BMERB1: variants seen among roughly 807,000 people sequenced by gnomAD.
BMERB1 encodes bMERB domain-containing protein 1.
In BMERB1, 12 loss-of-function variants were observed where a neutral mutation model predicts 23.6. The observed-to-expected ratio is 0.51, with a 90% confidence interval of 0.33 to 0.82. BMERB1 has a LOEUF of 0.82. BMERB1 is among the 40% of genes least tolerant of loss of function. The probability of loss-of-function intolerance (pLI) is 0.03; values close to 1 mark genes in which losing one functional copy is unlikely to be tolerated. For synonymous variants in BMERB1, 122 were observed against 96.6 expected (o/e 1.26, Z -1.54); for missense variants, 247 against 255.4 (o/e 0.97, Z 0.22).
chr16:15,505,570 A>G (rs1318408259), intron 1 of BMERB1, among the ~76,000 whole-genome samples: 2 of 152,130 alleles, frequency 1.3e-5, no homozygotes, highest in Non-Finnish European at 2.9e-5. Flanking sequence ...GTCATGGGAC[A>G]TTTCCGTTAG....
intron 2 of BMERB1, 118 bp from the exon 3 acceptor site, chr16:15,567,865 G>C: frequency 1.2e-6 from 1 of 837,960 alleles, no homozygotes; most frequent in Admixed American, 2.5e-5. Context: ...CAATGAGCAT[G>C]TATGGCCTCT....
chr16:15,572,289 A>G (rs908904619), intron 3 of BMERB1, among the ~76,000 whole-genome samples: 1 of 152,228 alleles, frequency 6.6e-6, no homozygotes, highest in Non-Finnish European at 1.5e-5. Context: ...GGCAAGGTGT[A>G]GGAGTCTTCC....
rs565531969 is a variant in BMERB1 at position 15,461,971 on chromosome 16, A to G, written c.106+27212A>G. Among the ~76,000 whole-genome samples, 373 of 152,152 alleles carry G rather than the reference A, an allele frequency of 2.5e-3. 5 individuals carry two copies. Among genetic ancestry groups the G allele is most frequent in the African/African-American group, 8.6e-3 (359 of 41,514 alleles). Reference sequence around the variant, plus strand: ...AACAACAACAACAGCAGCAGCAACAACAAACAAAAAACTCCCCCAAACAGG... The same window carrying G: ...AACAACAACAACAGCAGCAGCAACAGCAAACAAAAAACTCCCCCAAACAGG... On this transcript the variant is annotated intron_variant, in intron 1 of 5. Transcript: ENST00000300006.
intron 1 of BMERB1, among the ~76,000 whole-genome samples, chr16:15,493,893 A>G (rs941328913): frequency 1.3e-5 from 2 of 152,186 alleles, no homozygotes; most frequent in Non-Finnish European, 2.9e-5. Context: ...GACAGGCCCA[A>G]TTTATTTTCC....
rs572879919 is a variant in BMERB1, at chr16:15,495,611, C to G, written c.107-19694C>G. 9.2e-5 allele frequency among the ~76,000 whole-genome samples: 14 copies of G among 152,304 alleles called. No homozygotes were observed. The East Asian group carries it at 2.7e-3, about 29-fold the overall frequency. ...TCAATCTCCTGACCTCGTGATCTGC[C>G]CACCTCGGCCTCCCGAAGTGCTGGG... On this transcript the variant is annotated intron_variant, in intron 1 of 5. Coordinates refer to ENST00000300006, the MANE Select transcript of BMERB1 (RefSeq NM_033201.3).
At chr16:15,445,875 A>G (rs533898032) in intron 1 of BMERB1, among the ~76,000 whole-genome samples, 2 of 152,320 alleles carry the variant, frequency 1.3e-5, no homozygotes, top group East Asian at 3.9e-4. Flanking sequence ...GAAACAACCC[A>G]AATATGGTAT....
chr16:15,539,736 G>A lies in BMERB1; in HGVS notation c.230+24308G>A, dbSNP rs868206461. 6.6e-5 allele frequency among the ~76,000 whole-genome samples: 10 copies of A among 152,036 alleles called. No individual in the cohort carries two copies. In the South Asian group the frequency reaches 2.1e-3, roughly 32 times the overall value. ...TGCACACCTGTAGTCCCAGCTACTT[G>A]GAAGGCTGAGGCAGGAGAATCTCTT... On this transcript the variant is annotated intron_variant, in intron 2 of 5. Transcript: ENST00000300006.
intron 1 of BMERB1, among the ~76,000 whole-genome samples, chr16:15,501,710 G>C (rs2049115100): frequency 6.6e-6 from 1 of 152,196 alleles, no homozygotes; most frequent in Non-Finnish European, 1.5e-5. Flanking sequence ...CTGACCTCAG[G>C]TGATCCACCG....
chr16:15,526,388 G>A (rs1452392561), intron 2 of BMERB1, among the ~76,000 whole-genome samples: 7 of 152,044 alleles, frequency 4.6e-5, no homozygotes, highest in African/African-American at 7.2e-5. Context: ...AATATAGGCC[G>A]GGCGTGGTGG....
intron 1 of BMERB1, among the ~76,000 whole-genome samples, chr16:15,499,333 G>A (rs1283803968): frequency 6.6e-6 from 1 of 151,200 alleles, no homozygotes; most frequent in Non-Finnish European, 1.5e-5. Context: ...GGGAGGTGGA[G>A]GTTGCAGTGA....
intron 2 of BMERB1, among the ~76,000 whole-genome samples, chr16:15,541,378 T>C (rs2052077185): frequency 6.6e-6 from 1 of 151,286 alleles, no homozygotes; most frequent in South Asian, 2.1e-4. Context: ...CCTCCTCCTC[T>C]TCCTGGCAGG....
intron 1 of BMERB1, among the ~76,000 whole-genome samples, chr16:15,510,204 C>G (rs1352505992): frequency 6.6e-6 from 1 of 152,100 alleles, no homozygotes; most frequent in Non-Finnish European, 1.5e-5. Flanking sequence ...TTAAGCCTCC[C>G]CACTGGCCAT....
intron 2 of BMERB1, among the ~76,000 whole-genome samples, chr16:15,529,118 A>G (rs2051941664): frequency 6.6e-6 from 1 of 152,126 alleles, no homozygotes; most frequent in African/African-American, 2.4e-5. Flanking sequence ...TCTGCCTCCC[A>G]GGTTCACGCC....
chr16:15,434,717 G>A lies in BMERB1; in HGVS notation c.64G>A (p.Ala22Thr), dbSNP rs754566493. The A allele has an allele frequency of 2.4e-5, 39 of 1,611,886 alleles. No homozygotes were observed. Among genetic ancestry groups the A allele is most frequent in the Non-Finnish European group, 2.9e-5 (34 of 1,178,824 alleles). ...CGAGAAGCCTCTGAGGCGCTATGGGGCGGTGGAGGAGACGGCTTGGAAAAC... is the reference window on the plus strand; with the variant it reads ...CGAGAAGCCTCTGAGGCGCTATGGGACGGTGGAGGAGACGGCTTGGAAAAC... ...EAEKPLRRYG[A>T]VEETAWKTER... Residue 22 changes from alanine to threonine, a missense_variant, in exon 1 of 6, where the codon GCG becomes ACG. Coordinates refer to ENST00000300006, the MANE Select transcript of BMERB1 (RefSeq NM_033201.3).
intron 3 of BMERB1, among the ~76,000 whole-genome samples, chr16:15,579,424 G>A (rs566434878): frequency 7.2e-5 from 11 of 152,244 alleles, no homozygotes; most frequent in African/African-American, 2.4e-4. Flanking sequence ...GCCCTTCTTC[G>A]TGCAGTGGTG....
intron 1 of BMERB1, among the ~76,000 whole-genome samples, chr16:15,465,193 T>C (rs1430666078): frequency 6.6e-6 from 1 of 152,030 alleles, no homozygotes; most frequent in East Asian, 1.9e-4. Flanking sequence ...CAAAATGTCA[T>C]CACTGGGGAA....
At chr16:15,466,002 G>T (rs1321315717) in intron 1 of BMERB1, among the ~76,000 whole-genome samples, 1 of 152,160 alleles carries the variant, frequency 6.6e-6, no homozygotes, top group Non-Finnish European at 1.5e-5. Context: ...CTGATAATAG[G>T]TTGTTTTCCA....
intron 1 of BMERB1, among the ~76,000 whole-genome samples, chr16:15,510,445 A>G (rs1426139442): frequency 1.3e-5 from 2 of 152,188 alleles, no homozygotes; most frequent in Non-Finnish European, 2.9e-5. Flanking sequence ...TGATGGGCAG[A>G]GCAGGTGCGG....
chr16:15,565,494 GTCT>G (rs1006883879), intron 2 of BMERB1, among the ~76,000 whole-genome samples: 4 of 152,154 alleles, frequency 2.6e-5, no homozygotes, highest in African/African-American at 4.8e-5. Flanking sequence ...TGAGGGCTTG[GTCT>G]TCTTTGCTGT....
Sources: gnomAD v4.1 joint callset for allele counts (sites outside exome capture counted in the v4.1 genomes callset) on GRCh38, gnomAD v4.1.1 for gene constraint, MANE v1.5 for transcripts, NCBI Gene and HGNC (gene_info 2026-07-23, HGNC 2026-07-21) for gene names.